The following SLC7A10 variants were observed in gnomAD, a reference collection of about 807,000 sequenced individuals.
SLC7A10 encodes asc-type amino acid transporter 1.
In SLC7A10, 30 loss-of-function variants were observed where a neutral mutation model predicts 52.7. The ratio of observed to expected loss-of-function variants is 0.57; its 90% confidence interval spans 0.43 to 0.77. The LOEUF (loss-of-function observed/expected upper bound fraction) is 0.77, where lower values mean the gene tolerates loss of function less well. Ranked by LOEUF, SLC7A10 falls within the 30% of genes least tolerant of loss-of-function variation. The pLI, the probability that SLC7A10 is intolerant of heterozygous loss-of-function variation, is 0.00. For missense variants in SLC7A10, 581 were observed against 698.5 expected, an observed-to-expected ratio of 0.83 and a Z score of 1.90; for synonymous variants, 318 against 314.9, an observed-to-expected ratio of 1.01 and a Z score of -0.10.
At position 33,215,831 on chromosome 19, in the gene SLC7A10, G is replaced by A. The variant is rs1298365131; in HGVS notation, c.294C>T (p.Val98=). 2.5e-6 allele frequency: 4 copies of A among 1,588,934 alleles called. No homozygotes were observed. Among genetic ancestry groups the A allele is most frequent in the Middle Eastern group, 1.7e-4 (1 of 6,044 alleles). The change falls in exon 2 of 11, where the codon GTC becomes GTT. Residue 98 remains valine, a synonymous_variant. Transcript: ENST00000253188. ...LGSLCYAELG[V]AIPKSGGDYA... is the part of the protein sequence containing the mutation. ...AGTCCCCGCCAGACTTGGGGATGGC[G>A]ACTCCCAGCTCTGCATAGCAGAGGG...
chr19:33,209,601 C>A, intron 9 of SLC7A10, 116 bp from the exon 10 acceptor site: 5 of 1,069,078 alleles, frequency 4.7e-6, no homozygotes, highest in Non-Finnish European at 6.7e-6. Context: ...GCCTGAAGGG[C>A]AATTGCACCC....
intron 1 of SLC7A10, among the ~76,000 whole-genome samples, chr19:33,218,817 CAG>C (rs79899421): frequency 0.042 from 6,338 of 150,506 alleles, 256 homozygotes; most frequent in East Asian, 0.25. Flanking sequence ...CACACCTGGC[CAG>C]ATTAGTGGAG....
chr19:33,209,124 C>T lies in SLC7A10; in HGVS notation c.1442-103G>A, dbSNP rs920232863. The T allele has an allele frequency of 6.4e-6, 10 of 1,569,282 alleles. No homozygotes were observed. In the South Asian group the frequency reaches 8.0e-5, roughly 12 times the overall value. On this transcript the variant is annotated intron_variant, in intron 10 of 10. Coordinates refer to ENST00000253188, the MANE Select transcript of SLC7A10 (RefSeq NM_019849.3). ...GGCAGGGGTCTTCAGGGAGTTGCTC[C>T]GTCGGTACCCGTGGTTCTGGAAACT...
In SLC7A10 at chr19:33,213,173, G is replaced by A. The variant is rs79031901; in HGVS notation, c.357-171C>T. On this transcript the variant is annotated intron_variant, in intron 2 of 10. Coordinates refer to ENST00000253188, the MANE Select transcript of SLC7A10 (RefSeq NM_019849.3). The stretch of plus-strand genomic sequence containing the variant: ...AGGGTTGACCTTGTTGAGGTCTTGC[G>A]GCTGCATTGATAGACTGTTTTAACA... Among the ~76,000 whole-genome samples the A allele has an allele frequency of 1.7e-4, 26 of 152,350 alleles. No individual in the cohort carries two copies. The East Asian group carries it at 4.6e-3, about 27-fold the overall frequency.
At position 33,211,406 on chromosome 19, in the gene SLC7A10, C is replaced by G; in HGVS notation, c.912+8G>C. On this transcript the variant is annotated splice_region_variant and intron_variant, in intron 6 of 10. Coordinates refer to ENST00000253188, the MANE Select transcript of SLC7A10 (RefSeq NM_019849.3). ...CAGGAGCCAGGGACCGAGCAGGGGC[C>G]CACTCACCACAGCCACCGCATTGGA... The G allele has an allele frequency of 6.2e-7, 1 of 1,613,810 alleles. No homozygotes were observed. The highest frequency in any genetic ancestry group is 1.7e-5 in the Admixed American group (1 of 60,008).
chr19:33,209,185 C>G, intron 10 of SLC7A10, 123 bp downstream of exon 10: 1 of 1,522,268 alleles, frequency 6.6e-7, no homozygotes, highest in South Asian at 1.2e-5. Context: ...TTGGTGGCGG[C>G]TGGGCCCTGT....
intron 1 of SLC7A10, among the ~76,000 whole-genome samples, chr19:33,222,332 G>A (rs1271591164): frequency 6.6e-6 from 1 of 151,910 alleles, no homozygotes; most frequent in African/African-American, 2.4e-5. Context: ...CTGGGAGGTC[G>A]AGGCTGCAGT....
At chr19:33,211,759 G>T in intron 5 of SLC7A10, 2 of 735,796 alleles carry the variant, frequency 2.7e-6, no homozygotes, top group Non-Finnish European at 4.3e-6. Context: ...TGGGGGAGGG[G>T]CCCCATCACA....
intron 9 of SLC7A10, 49 bp from the exon 10 acceptor site, chr19:33,209,534 C>G (rs750735683): frequency 6.3e-7 from 1 of 1,598,638 alleles, no homozygotes; most frequent in Non-Finnish European, 8.5e-7. Context: ...CTCCAGCTGT[C>G]TGTACCCCCG....
chr19:33,218,549 T>C (rs73575746), intron 1 of SLC7A10, among the ~76,000 whole-genome samples: 7,045 of 150,938 alleles, frequency 0.047, 434 homozygotes, highest in African/African-American at 0.14. Flanking sequence ...GGGCACTGCA[T>C]GGAGCAGCCG....
intron 5 of SLC7A10, 55 bp from the exon 6 acceptor site, chr19:33,211,592 C>A: frequency 6.2e-7 from 1 of 1,612,718 alleles, no homozygotes; most frequent in South Asian, 1.1e-5. Context: ...GCAGGACCCC[C>A]GAGACCCAGC....
intron 2 of SLC7A10, among the ~76,000 whole-genome samples, chr19:33,213,671 C>T (rs1015709377): frequency 1.3e-5 from 2 of 152,226 alleles, no homozygotes; most frequent in South Asian, 2.1e-4. Context: ...CCAGACCTCT[C>T]GGCTTCAGCC....
At chr19:33,211,851 G>GC in intron 5 of SLC7A10, 1 of 484,902 alleles carries the variant, frequency 2.1e-6, no homozygotes, top group South Asian at 2.1e-5. Context: ...CCCCAAAATG[G>GC]CCCCAGAGCC....
intron 5 of SLC7A10, 52 bp from the exon 6 acceptor site, chr19:33,211,589 C>T (rs768080327): frequency 6.2e-7 from 1 of 1,613,032 alleles, no homozygotes; most frequent in South Asian, 1.1e-5. Context: ...GGTGCAGGAC[C>T]CCCGAGACCC....
At chr19:33,213,908 G>A (rs1216922969) in intron 2 of SLC7A10, among the ~76,000 whole-genome samples, 2 of 152,160 alleles carry the variant, frequency 1.3e-5, no homozygotes, top group Admixed American at 6.5e-5. Flanking sequence ...CTGCCCTTGG[G>A]GGTGGTCCTA....
chr19:33,209,099 G>T, intron 10 of SLC7A10, 78 bp from the exon 11 acceptor site: 2 of 1,600,906 alleles, frequency 1.2e-6, no homozygotes, highest in South Asian at 2.2e-5. Context: ...CCTCCCCTTG[G>T]GCAGGGGTCT....
rs1974466245 is a variant in SLC7A10, at chr19:33,208,831, A to G, written c.*60T>C. On this transcript the variant is annotated 3_prime_UTR_variant, in exon 11 of 11. Coordinates refer to ENST00000253188, the MANE Select transcript of SLC7A10 (RefSeq NM_019849.3). The surrounding 1 kb of genome is among the most constrained non-coding windows in gnomAD (Gnocchi z 4.7). Reference sequence around the variant, plus strand: ...AAACAAAACAAAACTTTTTTGCCAAAACACCTCCTCAATAAACAACATGTA... The same window carrying G: ...AAACAAAACAAAACTTTTTTGCCAAGACACCTCCTCAATAAACAACATGTA... 6.2e-7 allele frequency: 1 copy of G among 1,609,658 alleles called. No individual in the cohort carries two copies. Among genetic ancestry groups the G allele is most frequent in the Admixed American group, 1.7e-5 (1 of 59,426 alleles).
intron 1 of SLC7A10, among the ~76,000 whole-genome samples, chr19:33,218,388 C>T (rs1009725777): frequency 1.2e-4 from 18 of 152,306 alleles, no homozygotes; most frequent in African/African-American, 4.1e-4. Flanking sequence ...GGACCACAGG[C>T]GTTAGCCAGT....
chr19:33,223,675 G>A (rs1331906426), intron 1 of SLC7A10, among the ~76,000 whole-genome samples: 1 of 152,104 alleles, frequency 6.6e-6, no homozygotes, highest in Non-Finnish European at 1.5e-5. Context: ...CAAGATCAAG[G>A]CTCCCCAAGA....
Sources: allele counts gnomAD v4.1 joint callset (sites outside exome capture counted in the v4.1 genomes callset), GRCh38; gene constraint gnomAD v4.1.1; non-coding constraint Gnocchi (gnomAD v3.1); transcripts MANE v1.5; gene names NCBI Gene and HGNC (gene_info 2026-07-23, HGNC 2026-07-21).